Variants in HAUS7 observed in about 807,000 individuals in gnomAD.
HAUS7 encodes HAUS augmin like complex subunit 7, also known as HAUS augmin-like complex subunit 7.
Under a neutral mutation model 28.4 loss-of-function variants are expected in HAUS7, and 3 were observed. That is an observed-to-expected ratio of 0.11 (90% CI 0.05 to 0.27). HAUS7 has a LOEUF of 0.27. Among genes scored for constraint, HAUS7 ranks in the 10% least tolerant of loss-of-function variants. The pLI, the probability that HAUS7 is intolerant of heterozygous loss-of-function variation, is 1.00. For synonymous variants in HAUS7, 165 were observed against 132.1 expected, an observed-to-expected ratio of 1.25 and a Z score of -1.71; for missense variants, 284 against 297.3, an observed-to-expected ratio of 0.96 and a Z score of 0.33.
At chrX:153,486,373 T>C (rs1556988538) in intron 1 of HAUS7, among the ~76,000 whole-genome samples, 1 of 112,634 alleles carries the variant, frequency 8.9e-6, no homozygotes, top group Non-Finnish European at 1.9e-5. Flanking sequence ...GGGCAGGCAG[T>C]GGCCGGATGC....
intron 4 of HAUS7, among the ~76,000 whole-genome samples, chrX:153,461,350 A>G (rs1394568790): frequency 2.7e-5 from 3 of 110,949 alleles, no homozygotes; most frequent in African/African-American, 9.9e-5. Context: ...TGGTTCATGG[A>G]CTGTGACAAA....
At chrX:153,467,704 G>A (rs1027933472) in intron 2 of HAUS7, among the ~76,000 whole-genome samples, 17 of 112,555 alleles carry the variant, frequency 1.5e-4, no homozygotes, top group African/African-American at 4.2e-4. Flanking sequence ...CGTCTGCAGC[G>A]CGTGGAATGG....
intron 1 of HAUS7, chrX:153,481,359 A>G: frequency 1.3e-6 from 1 of 754,742 alleles, no homozygotes; most frequent in Non-Finnish European, 1.6e-6. Context: ...CTCTTCCTCC[A>G]GGGACCTCCC....
chrX:153,457,098 C>T (rs1556982427), intron 5 of HAUS7, 39 bp downstream of exon 5: 1 of 875,809 alleles, frequency 1.1e-6, no homozygotes, highest in Non-Finnish European at 1.7e-6. Flanking sequence ...CCAAGAGAAG[C>T]CCGTCAATAC....
chrX:153,468,064 G>A (rs1032890862), intron 2 of HAUS7, among the ~76,000 whole-genome samples: 1 of 112,466 alleles, frequency 8.9e-6, no homozygotes, highest in East Asian at 2.8e-4. Context: ...TGAGCCCTGG[G>A]GAGAGGCCTG....
chrX:153,452,702 G>A (rs2089254634), intron 9 of HAUS7, among the ~76,000 whole-genome samples: 1 of 112,237 alleles, frequency 8.9e-6, no homozygotes, highest in Non-Finnish European at 1.9e-5. Flanking sequence ...AGTTAAAGAG[G>A]CTGGGCGCGG....
chrX:153,470,714 C>T (rs963208640), upstream of HAUS7: 102 of 789,929 alleles, frequency 1.3e-4, no homozygotes, highest in Middle Eastern at 4.6e-4. Context: ...GCGCGGGCCC[C>T]GGGCTCCCAC....
At chrX:153,487,403 A>G (rs2089645890) in intron 1 of HAUS7, among the ~76,000 whole-genome samples, 1 of 112,204 alleles carries the variant, frequency 8.9e-6, no homozygotes, top group Non-Finnish European at 1.9e-5. Flanking sequence ...ACCTGCACTG[A>G]GGCCTGGGGC....
intron 1 of HAUS7, among the ~76,000 whole-genome samples, chrX:153,483,711 C>G (rs1221554236): frequency 8.9e-6 from 1 of 111,784 alleles, no homozygotes; most frequent in Non-Finnish European, 1.9e-5. Flanking sequence ...ATATTGCTTG[C>G]AAGCTTGCAA....
intron 1 of HAUS7, among the ~76,000 whole-genome samples, chrX:153,477,376 G>A (rs1044391743): frequency 8.8e-5 from 10 of 113,301 alleles, no homozygotes; most frequent in African/African-American, 2.9e-4. Context: ...TCCCATCACC[G>A]TCCAGTCTCC....
chrX:153,485,049 G>T (rs1556988191), intron 1 of HAUS7, among the ~76,000 whole-genome samples: 1 of 112,805 alleles, frequency 8.9e-6, no homozygotes, highest in African/African-American at 3.2e-5. Context: ...CATGGCCACA[G>T]GGACCAGGGC....
intron 9 of HAUS7, among the ~76,000 whole-genome samples, chrX:153,448,317 T>G (rs1556980488): frequency 2.0e-5 from 2 of 100,893 alleles, no homozygotes; most frequent in Non-Finnish European, 3.9e-5. Flanking sequence ...CACCGCATGT[T>G]CTCACTCATA....
chrX:153,486,268 C>T (rs782032872), intron 1 of HAUS7, among the ~76,000 whole-genome samples: 125 of 112,692 alleles, frequency 1.1e-3, no homozygotes, highest in African/African-American at 3.3e-3. Flanking sequence ...GGGCAGGAGT[C>T]GGGGCTCATC....
chrX:153,448,434 A>T (rs1182098980), intron 9 of HAUS7, among the ~76,000 whole-genome samples: 2 of 106,056 alleles, frequency 1.9e-5, no homozygotes, highest in Non-Finnish European at 3.9e-5. Flanking sequence ...TAGGAGATAT[A>T]CCTAATGTAA....
chrX:153,455,028 G>A (rs145472874), intron 8 of HAUS7: 13 of 1,022,862 alleles, frequency 1.3e-5, no homozygotes, highest in South Asian at 3.7e-5. Context: ...AACTAAAGCC[G>A]GCTTTTTAGG....
At chrX:153,478,193 C>T (rs1446733065) in intron 1 of HAUS7, among the ~76,000 whole-genome samples, 2 of 112,928 alleles carry the variant, frequency 1.8e-5, no homozygotes, top group Non-Finnish European at 3.7e-5. Context: ...TCTCTGCCAG[C>T]CCCCGCCTGC....
rs1353199680 is a variant in HAUS7 at position 153,477,691 on chromosome X, C to T, written c.-588-6546G>A. ...CAGCCATCCTGTGTCACCCACAGGA[C>T]GCACAAGGAGATGGTGGCCTCATCC... On this transcript the variant is annotated intron_variant, in intron 1 of 5. Transcript: ENST00000370210. Among the ~76,000 whole-genome samples the T allele has an allele frequency of 7.1e-5, 8 of 112,702 alleles. No individual in the cohort carries two copies. The South Asian group carries it at 1.8e-3, about 26-fold the overall frequency.
chrX:153,483,406 GGAGCACTGGCTGGCA>G, intron 1 of HAUS7: 1 of 755,850 alleles, frequency 1.3e-6, no homozygotes, highest in Non-Finnish European at 1.6e-6. Flanking sequence ...ACTGGCTTCA[GGAGCACTGGCTGGCA>G]CCCCGAGCCT....
In HAUS7 at chrX:153,449,393, G is replaced by A. The variant is rs782295224; in HGVS notation, c.1046-1484C>T. The stretch of plus-strand genomic sequence containing the variant: ...CCAGGACCCTCTCCACTCGCCATCA[G>A]CTTCCAGTGGCATCCCAGCAGAGGG... On this transcript the variant is annotated intron_variant, in intron 9 of 9. Transcript: ENST00000370211. 2.7e-5 allele frequency among the ~76,000 whole-genome samples: 3 copies of A among 112,536 alleles called. No homozygotes were observed. The South Asian group carries it at 1.1e-3, about 41-fold the overall frequency.
Sources: allele counts gnomAD v4.1 joint callset (sites outside exome capture counted in the v4.1 genomes callset), GRCh38; gene constraint gnomAD v4.1.1; transcripts MANE v1.5; gene names NCBI Gene and HGNC (gene_info 2026-07-23, HGNC 2026-07-21).